Variants in MAGI2 observed in about 807,000 individuals in gnomAD.
MAGI2 encodes membrane-associated guanylate kinase, WW and PDZ domain-containing protein 2.
In MAGI2, 35 loss-of-function variants were observed where a neutral mutation model predicts 133.3. The ratio of observed to expected loss-of-function variants is 0.26; its 90% confidence interval spans 0.20 to 0.35. The LOEUF (loss-of-function observed/expected upper bound fraction) is 0.35. MAGI2 is among the 10% of genes least tolerant of loss of function. The pLI is 1.00. For missense variants in MAGI2, 1,636 were observed against 1,863.4 expected, an observed-to-expected ratio of 0.88 and a Z score of 2.25; for synonymous variants, 729 against 710.6, an observed-to-expected ratio of 1.03 and a Z score of -0.41.
At chr7:78,889,216 A>G (rs1796530484) in intron 2 of MAGI2, among the ~76,000 whole-genome samples, 1 of 152,240 alleles carries the variant, frequency 6.6e-6, no homozygotes, top group East Asian at 1.9e-4. Context: ...CCTCCAAGAA[A>G]TATGGGACTA....
At chr7:78,569,070 C>T (rs1268495739) in intron 3 of MAGI2, among the ~76,000 whole-genome samples, 1 of 152,042 alleles carries the variant, frequency 6.6e-6, no homozygotes, top group Non-Finnish European at 1.5e-5. Context: ...GAGAGGTCTT[C>T]CCTGACCATG....
intron 1 of MAGI2, among the ~76,000 whole-genome samples, chr7:79,023,589 T>C (rs909596143): frequency 1.1e-4 from 17 of 152,072 alleles, no homozygotes; most frequent in Non-Finnish European, 4.4e-5. Context: ...AAAAACCTCA[T>C]AGTGTGTGCT....
chr7:78,075,538 G>A (rs921226778), intron 21 of MAGI2, among the ~76,000 whole-genome samples: 6 of 151,750 alleles, frequency 4.0e-5, no homozygotes, highest in African/African-American at 1.5e-4. Context: ...CACCACACCC[G>A]GCTAATTTTT....
At chr7:78,604,037 CA>C (rs11304831) in intron 3 of MAGI2, among the ~76,000 whole-genome samples, 24,550 of 152,020 alleles carry the variant, frequency 0.16, 2,191 homozygotes, top group Admixed American at 0.26. Flanking sequence ...CATACAATGA[CA>C]AAATTAAGAT....
intron 2 of MAGI2, among the ~76,000 whole-genome samples, chr7:78,832,349 T>C (rs1010862847): frequency 1.3e-5 from 2 of 152,214 alleles, no homozygotes; most frequent in Non-Finnish European, 2.9e-5. Context: ...ATGCAGTTTT[T>C]AAAGTAGGGT....
intron 1 of MAGI2, among the ~76,000 whole-genome samples, chr7:79,021,541 T>C (rs1283780647): frequency 2.0e-5 from 3 of 152,246 alleles, no homozygotes; most frequent in Non-Finnish European, 4.4e-5. Context: ...CCCTATTGGA[T>C]TTCAAGTTTG....
At chr7:78,224,190 C>A (rs970269919) in intron 10 of MAGI2, among the ~76,000 whole-genome samples, 2 of 152,104 alleles carry the variant, frequency 1.3e-5, no homozygotes, top group Non-Finnish European at 2.9e-5. Flanking sequence ...AGTACAGGAG[C>A]AATGAACAAT....
At chr7:78,243,650 TA>T (rs1387650509) in intron 10 of MAGI2, among the ~76,000 whole-genome samples, 1 of 152,192 alleles carries the variant, frequency 6.6e-6, no homozygotes, top group Non-Finnish European at 1.5e-5. Context: ...TTATCCATAC[TA>T]GTTAATATAT....
At chr7:78,704,112 C>A (rs890192386) in intron 2 of MAGI2, among the ~76,000 whole-genome samples, 7 of 151,940 alleles carry the variant, frequency 4.6e-5, no homozygotes, top group Non-Finnish European at 8.8e-5. Context: ...ATATCAGATC[C>A]ATCAACAGAG....
chr7:78,876,876 C>T (rs1795464818), intron 2 of MAGI2, among the ~76,000 whole-genome samples: 1 of 91,400 alleles, frequency 1.1e-5, no homozygotes, highest in African/African-American at 3.5e-5. Flanking sequence ...ATATGTTTGT[C>T]TATTCTTCCT....
At chr7:78,070,111 A>ACG (rs1347771456) in intron 21 of MAGI2, among the ~76,000 whole-genome samples, 3 of 98,790 alleles carry the variant, frequency 3.0e-5, no homozygotes, top group African/African-American at 9.3e-5. Flanking sequence ...ACACATACAC[A>ACG]CACACACACA....
At chr7:78,029,582 A>G (rs1584881942) in intron 21 of MAGI2, among the ~76,000 whole-genome samples, 1 of 152,282 alleles carries the variant, frequency 6.6e-6, no homozygotes. Context: ...ACCCACCCTG[A>G]GTCCCAACCG....
intron 2 of MAGI2, among the ~76,000 whole-genome samples, chr7:78,779,876 T>C (rs1030141950): frequency 2.6e-5 from 4 of 152,196 alleles, no homozygotes; most frequent in Non-Finnish European, 5.9e-5. Flanking sequence ...AATTTTTGGG[T>C]CAGAAAGCTT....
intron 20 of MAGI2, among the ~76,000 whole-genome samples, chr7:78,111,330 A>C (rs1173976128): frequency 6.6e-6 from 1 of 152,172 alleles, no homozygotes; most frequent in African/African-American, 2.4e-5. Flanking sequence ...GAATAATTAA[A>C]ATCAAAGACT....
intron 4 of MAGI2, among the ~76,000 whole-genome samples, chr7:78,517,350 G>A (rs1796131423): frequency 6.6e-6 from 1 of 152,098 alleles, no homozygotes; most frequent in Non-Finnish European, 1.5e-5. Context: ...GCAGGATTGC[G>A]ATTTACTTTG....
At chr7:78,737,424 G>A (rs931563714) in intron 2 of MAGI2, among the ~76,000 whole-genome samples, 8 of 152,254 alleles carry the variant, frequency 5.3e-5, no homozygotes, top group Non-Finnish European at 1.0e-4. Flanking sequence ...TATGGTTTTC[G>A]ATTCTACATT....
intron 1 of MAGI2, among the ~76,000 whole-genome samples, chr7:79,452,264 C>T (rs1477022562): frequency 6.6e-6 from 1 of 152,208 alleles, no homozygotes; most frequent in Non-Finnish European, 1.5e-5. Flanking sequence ...CCCCGCCCAG[C>T]ACTAGACTGC....
At chr7:78,359,919 C>T (rs1012683878) in intron 7 of MAGI2, among the ~76,000 whole-genome samples, 1 of 152,172 alleles carries the variant, frequency 6.6e-6, no homozygotes, top group African/African-American at 2.4e-5. Context: ...TGTAATTTTG[C>T]ACTAACCTGT....
chr7:78,629,041 G>A (rs746862010), intron 2 of MAGI2, among the ~76,000 whole-genome samples: 17 of 152,020 alleles, frequency 1.1e-4, no homozygotes, highest in Non-Finnish European at 1.6e-4. Context: ...CTAGCACCAC[G>A]TGAGCACCAG....
Sources: gnomAD v4.1 joint callset for allele counts (sites outside exome capture counted in the v4.1 genomes callset) on GRCh38, gnomAD v4.1.1 for gene constraint, MANE v1.5 for transcripts, NCBI Gene and HGNC (gene_info 2026-07-23, HGNC 2026-07-21) for gene names.